Variants in PIK3R3 observed in about 807,000 individuals in gnomAD.
The protein encoded by PIK3R3 is phosphoinositide-3-kinase regulatory subunit 3, also known as phosphatidylinositol 3-kinase regulatory subunit gamma.
In PIK3R3, 64 loss-of-function variants were observed where a neutral mutation model predicts 62.9. That is an observed-to-expected ratio of 1.02 (90% CI 0.83 to 1.25). PIK3R3 has a LOEUF of 1.25. PIK3R3 is among the 50% of genes most tolerant of loss of function. PIK3R3 has a pLI of 0.00. For missense variants in PIK3R3, 614 were observed against 561.6 expected, an observed-to-expected ratio of 1.09 and a Z score of -0.94; for synonymous variants, 165 against 189.0, an observed-to-expected ratio of 0.87 and a Z score of 1.04.
chr1:46,094,659 C>T (rs1651948608), intron 1 of PIK3R3, among the ~76,000 whole-genome samples: 1 of 152,186 alleles, frequency 6.6e-6, no homozygotes. Flanking sequence ...AACAACTTTG[C>T]TCATGCATGG....
rs1422762531 is a variant in PIK3R3, at chr1:46,040,644, C to T, written c.*3029G>A. ...TGGGTTGTTAAATAGCAGCAGAGAC[C>T]ACCTTAGAAAACAGGAATTGCCCAG... On this transcript the variant is annotated 3_prime_UTR_variant, in exon 10 of 10. Coordinates refer to ENST00000262741, the MANE Select transcript of PIK3R3 (RefSeq NM_003629.4). The T allele has an allele frequency of 6.4e-5, 14 of 217,458 alleles. No homozygotes were observed. The highest frequency in any genetic ancestry group is 1.0e-4 in the Non-Finnish European group (11 of 108,112). 13.5% of individuals were successfully genotyped at this position (217,458 alleles called of 1,614,324 possible).
chr1:46,142,902 T>A, the PIK3R3 span, among the ~76,000 whole-genome samples: 1 of 152,036 alleles, frequency 6.6e-6, no homozygotes, highest in South Asian at 2.1e-4. Flanking sequence ...AGATTTGCAT[T>A]TGAGAATCAT....
intron 1 of PIK3R3, 121 bp downstream of exon 1, chr1:46,131,725 CA>C (rs1414908325): frequency 1.2e-6 from 1 of 837,144 alleles, no homozygotes; most frequent in Non-Finnish European, 1.9e-6. Context: ...GCTGTAACTG[CA>C]AATCTCCTCA....
At chr1:46,067,650 A>C (rs976454753) in intron 3 of PIK3R3, among the ~76,000 whole-genome samples, 2 of 152,236 alleles carry the variant, frequency 1.3e-5, no homozygotes, top group African/African-American at 4.8e-5. Flanking sequence ...TTATAGCTGC[A>C]TAATTAATCT....
At chr1:46,123,263 G>C (rs1341572285) in intron 1 of PIK3R3, among the ~76,000 whole-genome samples, 1 of 152,144 alleles carries the variant, frequency 6.6e-6, no homozygotes, top group Non-Finnish European at 1.5e-5. Context: ...AAAGTTTTAA[G>C]AAGGAAAGGG....
the PIK3R3 span, among the ~76,000 whole-genome samples, chr1:46,150,901 C>A: frequency 6.8e-6 from 1 of 147,774 alleles, no homozygotes; most frequent in Admixed American, 6.7e-5. Context: ...TTCCGCCTCC[C>A]GAGTTCAAGC....
At chr1:46,098,731 T>G (rs1652378035) in intron 1 of PIK3R3, among the ~76,000 whole-genome samples, 1 of 152,184 alleles carries the variant, frequency 6.6e-6, no homozygotes, top group South Asian at 2.1e-4. Context: ...TGAGACAGGA[T>G]CTTACTTATC....
intron 6 of PIK3R3, among the ~76,000 whole-genome samples, chr1:46,060,881 T>C (rs1648420602): frequency 6.6e-6 from 1 of 152,268 alleles, no homozygotes; most frequent in Non-Finnish European, 1.5e-5. Flanking sequence ...TAATTACTTG[T>C]ATTTATTATC....
intron 3 of PIK3R3, among the ~76,000 whole-genome samples, chr1:46,074,311 AAAAAAACC>A (rs2149406079): frequency 6.8e-6 from 1 of 146,618 alleles, no homozygotes; most frequent in Admixed American, 6.8e-5. Flanking sequence ...AAAAAAAAAA[AAAAAAACC>A]AATAAATTCA....
At chr1:46,071,366 C>T (rs903471242) in intron 3 of PIK3R3, among the ~76,000 whole-genome samples, 11 of 152,044 alleles carry the variant, frequency 7.2e-5, no homozygotes, top group African/African-American at 2.7e-4. Context: ...TAGCTATATC[C>T]TAGATACATT....
At position 46,043,690 on chromosome 1, in the gene PIK3R3, G is replaced by A; in HGVS notation, c.1369C>T (p.Pro457Ser). Residue 457 changes from proline (P) to serine (S), a missense_variant, in exon 10 of 10, where the codon CCC (proline) becomes TCC (serine). Coordinates refer to ENST00000262741, the MANE Select transcript of PIK3R3 (RefSeq NM_003629.4). ...CTTCCTCTTTATCTGCAAAGCGAGGGCATCTGTGCATGAACAGGGTAGGCA... is the reference window on the plus strand; with the variant it reads ...CTTCCTCTTTATCTGCAAAGCGAGGACATCTGTGCATGAACAGGGTAGGCA... ...RLAYPVHAQM[P>S]SLCR 1 of 1,614,082 alleles carries A rather than the reference G, an allele frequency of 6.2e-7. No homozygotes were observed. The highest frequency in any genetic ancestry group is 8.5e-7 in the Non-Finnish European group (1 of 1,179,920).
intron 1 of PIK3R3, among the ~76,000 whole-genome samples, chr1:46,086,020 A>C (rs1252738014): frequency 6.6e-6 from 1 of 152,190 alleles, no homozygotes; most frequent in Admixed American, 6.5e-5. Context: ...GATTATATGC[A>C]TGGGCCACTC....
chr1:46,101,666 T>TA (rs1427267378), intron 1 of PIK3R3, among the ~76,000 whole-genome samples: 1 of 152,208 alleles, frequency 6.6e-6, no homozygotes, highest in Non-Finnish European at 1.5e-5. Flanking sequence ...AACATTATGC[T>TA]AAATGAAATA....
the PIK3R3 span, among the ~76,000 whole-genome samples, chr1:46,171,284 T>C: frequency 1.3e-5 from 2 of 152,174 alleles, no homozygotes; most frequent in African/African-American, 2.4e-5. Flanking sequence ...TACCTGAGGG[T>C]AGCAGGAAAA....
chr1:46,137,019 C>T (rs1655957896), upstream of PIK3R3, among the ~76,000 whole-genome samples: 1 of 152,172 alleles, frequency 6.6e-6, no homozygotes, highest in African/African-American at 2.4e-5. Context: ...TCTCCATAAC[C>T]CTGGGGTGGA....
chr1:46,100,410 C>G (rs1178413489), intron 1 of PIK3R3, among the ~76,000 whole-genome samples: 1 of 152,184 alleles, frequency 6.6e-6, no homozygotes, highest in Non-Finnish European at 1.5e-5. Flanking sequence ...CCTTACTCAT[C>G]TTCAATGCTC....
intron 1 of PIK3R3, among the ~76,000 whole-genome samples, chr1:46,124,818 C>T (rs1654956965): frequency 7.1e-6 from 1 of 141,718 alleles, no homozygotes; most frequent in African/African-American, 2.6e-5. Flanking sequence ...AAAAAAAAGG[C>T]CGGGCGTGGT....
intron 1 of PIK3R3, among the ~76,000 whole-genome samples, chr1:46,117,933 G>A (rs932346682): frequency 8.6e-5 from 13 of 151,942 alleles, no homozygotes; most frequent in Non-Finnish European, 1.6e-4. Context: ...AATTAGCCAG[G>A]TGTGGTAGTG....
In PIK3R3 at chr1:46,043,567, T is replaced by C; in HGVS notation, c.*106A>G. The C allele has an allele frequency of 4.9e-6, 5 of 1,019,838 alleles. No individual in the cohort carries two copies. The highest frequency in any genetic ancestry group is 4.6e-5 in the South Asian group (3 of 65,588). The allele number at this position is 1,019,838 out of a possible 1,614,324, so 63.2% of individuals were successfully genotyped here. On this transcript the variant is annotated 3_prime_UTR_variant, in exon 10 of 10. Coordinates refer to ENST00000262741, the MANE Select transcript of PIK3R3 (RefSeq NM_003629.4). The stretch of plus-strand genomic sequence containing the variant: ...CTCCACTTCACATTCACAAAATCAC[T>C]TCTTGTGCAAAACAAGCAGTCTATG...
Sources: gnomAD v4.1 joint callset for allele counts (sites outside exome capture counted in the v4.1 genomes callset) on GRCh38, gnomAD v4.1.1 for gene constraint, MANE v1.5 for transcripts, NCBI Gene and HGNC (gene_info 2026-07-23, HGNC 2026-07-21) for gene names.